The following XRCC2 variants were observed in gnomAD, a reference collection of about 807,000 sequenced individuals.
The protein encoded by XRCC2 is DNA repair protein XRCC2.
Under a neutral mutation model 27.3 loss-of-function variants are expected in XRCC2, and 24 were observed. The ratio of observed to expected loss-of-function variants is 0.88; its 90% CI spans 0.64 to 1.24. The LOEUF (loss-of-function observed/expected upper bound fraction) is 1.24. Among genes scored for constraint, XRCC2 ranks in the 50% most tolerant of loss-of-function variants. The pLI is 0.00. For synonymous variants in XRCC2, 106 were observed against 115.4 expected, an observed-to-expected ratio of 0.92 and a Z score of 0.52; for missense variants, 321 against 325.8, an observed-to-expected ratio of 0.99 and a Z score of 0.11.
At chr7:152,669,857 G>A (rs2098037441) in intron 1 of XRCC2, among the ~76,000 whole-genome samples, 1 of 151,884 alleles carries the variant, frequency 6.6e-6, no homozygotes, top group South Asian at 2.1e-4. Flanking sequence ...CAGCACTTCG[G>A]GAGGCCGAGG....
At chr7:152,659,053 T>A (rs964476688) in intron 2 of XRCC2, among the ~76,000 whole-genome samples, 1 of 152,224 alleles carries the variant, frequency 6.6e-6, no homozygotes, top group Non-Finnish European at 1.5e-5. Context: ...CCATACTGTT[T>A]TCCATAATGG....
At position 152,649,446 on chromosome 7, in the gene XRCC2, A is replaced by G. The variant is rs2098027574; in HGVS notation, c.122-83T>C. 4 of 1,457,918 alleles carry G rather than the reference A, an allele frequency of 2.7e-6. No individual in the cohort carries two copies. The South Asian group carries it at 5.8e-5, about 21-fold the overall frequency. The allele number at this position is 1,457,918 out of a possible 1,614,324, so 90.3% of individuals were successfully genotyped here. A position where few individuals can be genotyped will look rare whatever the true frequency, so the allele number is the denominator to read the frequency against. The stretch of plus-strand genomic sequence containing the variant: ...ATGCAAAGTCTGCAAAAAAGTTTAA[A>G]AAGACACTTACTGGAATGTGAAAGA... On this transcript the variant is annotated intron_variant, in intron 2 of 2. Coordinates refer to ENST00000359321, the MANE Select transcript of XRCC2 (RefSeq NM_005431.2).
intron 2 of XRCC2, among the ~76,000 whole-genome samples, chr7:152,657,884 G>A (rs983421678): frequency 2.0e-5 from 3 of 150,488 alleles, no homozygotes; most frequent in Non-Finnish European, 3.0e-5. Context: ...AAACAGTAAA[G>A]GAGAAAGAAA....
chr7:152,649,398 G>A (rs1563026332), intron 2 of XRCC2, 35 bp from the exon 3 acceptor site: 7 of 1,525,686 alleles, frequency 4.6e-6, no homozygotes. Context: ...TCAAAATGCA[G>A]TAGCTCAAGG....
intron 2 of XRCC2, among the ~76,000 whole-genome samples, chr7:152,652,019 G>GA (rs2098028734): frequency 6.6e-6 from 1 of 151,648 alleles, no homozygotes; most frequent in Non-Finnish European, 1.5e-5. Context: ...TTAAAAAAAA[G>GA]AAATAGCCGG....
intron 1 of XRCC2, among the ~76,000 whole-genome samples, chr7:152,663,488 T>G (rs2098034251): frequency 6.6e-6 from 1 of 151,912 alleles, no homozygotes; most frequent in African/African-American, 2.4e-5. Context: ...GGAGGTCTGG[T>G]TTTTGTCCTT....
At chr7:152,652,578 A>G (rs985307513) in intron 2 of XRCC2, among the ~76,000 whole-genome samples, 1 of 151,976 alleles carries the variant, frequency 6.6e-6, no homozygotes, top group Admixed American at 6.6e-5. Context: ...AGCAAACTCT[A>G]TCATCTCCCA....
intron 1 of XRCC2, among the ~76,000 whole-genome samples, chr7:152,675,183 G>A (rs2098040370): frequency 6.6e-6 from 1 of 152,000 alleles, no homozygotes; most frequent in African/African-American, 2.4e-5. Context: ...ATCTAAATTA[G>A]CCATGCTCTT....
chr7:152,657,718 G>A (rs1338833382), intron 2 of XRCC2, among the ~76,000 whole-genome samples: 1 of 152,124 alleles, frequency 6.6e-6, no homozygotes, highest in Non-Finnish European at 1.5e-5. Context: ...TACAAAATAT[G>A]GAAATTAAGT....
chr7:152,671,675 G>A (rs949733324), intron 1 of XRCC2, among the ~76,000 whole-genome samples: 3 of 152,178 alleles, frequency 2.0e-5, no homozygotes, highest in African/African-American at 7.2e-5. Context: ...AAGGTTGGAT[G>A]TTTTGTAGTG....
intron 1 of XRCC2, among the ~76,000 whole-genome samples, chr7:152,666,623 T>A (rs1015937232): frequency 6.6e-5 from 10 of 151,074 alleles, no homozygotes; most frequent in African/African-American, 2.2e-4. Flanking sequence ...ATTCTTTATT[T>A]TTTTTTTTTT....
chr7:152,657,909 GAC>G (rs1157297564), intron 2 of XRCC2, among the ~76,000 whole-genome samples: 1 of 148,808 alleles, frequency 6.7e-6, no homozygotes, highest in Non-Finnish European at 1.5e-5. Flanking sequence ...AAAGACATAA[GAC>G]ATATATAAAA....
At chr7:152,653,669 C>T (rs2098029482) in intron 2 of XRCC2, among the ~76,000 whole-genome samples, 1 of 151,902 alleles carries the variant, frequency 6.6e-6, no homozygotes, top group South Asian at 2.1e-4. Flanking sequence ...GCTGAGTTGC[C>T]CAGGGTGGTC....
intron 2 of XRCC2, among the ~76,000 whole-genome samples, chr7:152,659,028 T>C (rs780365319): frequency 1.3e-5 from 2 of 152,244 alleles, no homozygotes; most frequent in Non-Finnish European, 2.9e-5. Flanking sequence ...CTATTTTTAA[T>C]TGTTTGAGGA....
intron 1 of XRCC2, among the ~76,000 whole-genome samples, chr7:152,668,569 A>G (rs2098036894): frequency 6.6e-6 from 1 of 152,214 alleles, no homozygotes; most frequent in African/African-American, 2.4e-5. Flanking sequence ...ATTCTGCTTG[A>G]CATGACAGTT....
chr7:152,649,250 A>C lies in XRCC2; in HGVS notation c.235T>G (p.Leu79Val), dbSNP rs762288846. ...KSEGGLEVEV[L>V]FIDTDYHFDM... ...AAGTGGTAATCTGTATCAATAAATA[A>C]GACTTCTACTTCCAGGCCACCTTCT... The change falls in exon 3 of 3, where the codon TTA becomes GTA. Residue 79 changes from leucine (L) to valine (V), a missense_variant. Leu to Val is a conservative substitution (Grantham distance 32). Coordinates refer to ENST00000359321, the MANE Select transcript of XRCC2 (RefSeq NM_005431.2). The C allele has an allele frequency of 3.7e-6, 6 of 1,613,830 alleles. No individual in the cohort carries two copies. The South Asian group carries it at 6.6e-5, about 18-fold the overall frequency.
Position 152,649,108 on chromosome 7 carries a change from A to T in XRCC2, c.377T>A (p.Leu126Ter), listed in dbSNP as rs1064794088. The T allele has an allele frequency of 6.2e-7, 1 of 1,614,180 alleles. No homozygotes were observed. The highest frequency in any genetic ancestry group is 1.1e-5 in the South Asian group (1 of 91,082). Residue 126 changes from leucine (L) to a stop codon, truncating the protein, a stop_gained, in exon 3 of 3, where the codon TTA becomes TAA. Coordinates refer to ENST00000359321, the MANE Select transcript of XRCC2 (RefSeq NM_005431.2). LOFTEE classifies it high-confidence loss of function. ...FLVYCSSSTH[L>*]LLTLYSLESM... is the part of the protein sequence containing the mutation. Reference sequence around the variant, plus strand: ...TTCTAGTGAGTAAAGTGTAAGAAGTAAGTGGGTGCTACTACTGCAGTACAC... The same window carrying T: ...TTCTAGTGAGTAAAGTGTAAGAAGTTAGTGGGTGCTACTACTGCAGTACAC...
At chr7:152,662,565 A>ATT (rs11323323) in intron 1 of XRCC2, among the ~76,000 whole-genome samples, 1,212 of 67,796 alleles carry the variant, frequency 0.018, 28 homozygotes, top group Middle Eastern at 0.05. Flanking sequence ...TTTTATTTGC[A>ATT]TTTTTTTTTT....
chr7:152,651,529 C>A (rs1468302780), intron 2 of XRCC2, among the ~76,000 whole-genome samples: 4 of 151,928 alleles, frequency 2.6e-5, no homozygotes. Context: ...GAGGTAGAGG[C>A]TGCAGTGAGC....
Sources: allele counts gnomAD v4.1 joint callset (sites outside exome capture counted in the v4.1 genomes callset), GRCh38; gene constraint gnomAD v4.1.1; transcripts MANE v1.5; gene names NCBI Gene and HGNC (gene_info 2026-07-23, HGNC 2026-07-21).